The following STX17 variants were observed in gnomAD, a reference collection of about 807,000 sequenced individuals.
The protein encoded by STX17 is syntaxin-17.
In STX17, 29 loss-of-function variants were observed where a neutral mutation model predicts 35.9. The ratio of observed to expected loss-of-function variants is 0.81; its 90% confidence interval spans 0.60 to 1.10. The LOEUF (loss-of-function observed/expected upper bound fraction) is 1.10, where lower values mean the gene tolerates loss of function less well. STX17 is among the 50% of genes least tolerant of loss of function. The pLI is 0.00. For missense variants in STX17, 312 were observed against 352.3 expected (o/e 0.89, Z 0.92); for synonymous variants, 92 against 118.3 (o/e 0.78, Z 1.44).
At chr9:99,960,372 A>G (rs1011297385) in intron 6 of STX17, among the ~76,000 whole-genome samples, 1 of 152,218 alleles carries the variant, frequency 6.6e-6, no homozygotes, top group Non-Finnish European at 1.5e-5. Flanking sequence ...TAGATGCTTA[A>G]CATTGAGAGT....
At position 99,969,135 on chromosome 9, in the gene STX17, G is replaced by A. The variant is rs1829977455; in HGVS notation, c.*462G>A. On this transcript the variant is annotated 3_prime_UTR_variant, in exon 8 of 8. Transcript: ENST00000259400. ...TCAGATAGCGAAATCAGGGCCTAGT[G>A]AGGAGCACAGGTCGACTACATAATG... 1 of 152,980 alleles carries A rather than the reference G, an allele frequency of 6.5e-6. No individual in the cohort carries two copies. The highest frequency in any genetic ancestry group is 2.4e-5 in the African/African-American group (1 of 41,460). 9.5% of individuals were successfully genotyped at this position (152,980 alleles called of 1,614,324 possible). A position where few individuals can be genotyped will look rare whatever the true frequency, so the allele number is the denominator to read the frequency against.
chr9:99,919,324 A>G lies in STX17; in HGVS notation c.123+3962A>G, dbSNP rs538400455. Among the ~76,000 whole-genome samples, 5 of 152,180 alleles carry G rather than the reference A, an allele frequency of 3.3e-5. No individual in the cohort carries two copies. The East Asian group carries it at 9.7e-4, about 29-fold the overall frequency. Reference sequence around the variant, plus strand: ...TCACCATGCTGCCCAGGCCCATCCCATCTCAAAGCGCTGGCCTCAAGTGAT... The same window carrying G: ...TCACCATGCTGCCCAGGCCCATCCCGTCTCAAAGCGCTGGCCTCAAGTGAT... On this transcript the variant is annotated intron_variant, in intron 2 of 7. Coordinates refer to ENST00000259400, the MANE Select transcript of STX17 (RefSeq NM_017919.3).
chr9:99,912,835 A>G (rs1828690939), intron 1 of STX17, among the ~76,000 whole-genome samples: 1 of 152,136 alleles, frequency 6.6e-6, no homozygotes, highest in Non-Finnish European at 1.5e-5. Context: ...TCTATCCGTT[A>G]ACAGTTTATT....
chr9:99,958,501 A>AG (rs1346767281), intron 4 of STX17, among the ~76,000 whole-genome samples: 1 of 152,230 alleles, frequency 6.6e-6, no homozygotes, highest in Non-Finnish European at 1.5e-5. Context: ...TATATAACCC[A>AG]GGTACTGTGC....
At chr9:99,946,534 G>C (rs1244006137) in intron 3 of STX17, among the ~76,000 whole-genome samples, 1 of 152,008 alleles carries the variant, frequency 6.6e-6, no homozygotes, top group Non-Finnish European at 1.5e-5. Context: ...TAGAGTTACT[G>C]GTCATCTAGA....
rs974245494 is a variant in STX17 at position 99,970,534 on chromosome 9, G to T, written c.*1861G>T. On this transcript the variant is annotated 3_prime_UTR_variant, in exon 8 of 8. Coordinates refer to ENST00000259400, the MANE Select transcript of STX17 (RefSeq NM_017919.3). Reference sequence around the variant, plus strand: ...TTGCTCTGTCACTTTAACACAGGGTGATCAAACCTGAATGAGGATCAGAAC... The same window carrying T: ...TTGCTCTGTCACTTTAACACAGGGTTATCAAACCTGAATGAGGATCAGAAC... Among the ~76,000 whole-genome samples the T allele has an allele frequency of 6.6e-6, 1 of 152,142 alleles. No homozygotes were observed.
At chr9:99,927,078 C>G (rs971479752) in intron 2 of STX17, among the ~76,000 whole-genome samples, 3 of 152,334 alleles carry the variant, frequency 2.0e-5, no homozygotes, top group African/African-American at 4.8e-5. Flanking sequence ...CTGCAGATCT[C>G]TGGAGTTCTC....
chr9:99,941,019 A>G (rs569029714), intron 3 of STX17, among the ~76,000 whole-genome samples: 2 of 152,322 alleles, frequency 1.3e-5, no homozygotes, highest in South Asian at 4.1e-4. Context: ...GTCAGAATTA[A>G]TTCCAAAGGA....
At chr9:99,952,512 C>A (rs1829622412) in intron 4 of STX17, among the ~76,000 whole-genome samples, 1 of 152,170 alleles carries the variant, frequency 6.6e-6, no homozygotes, top group Non-Finnish European at 1.5e-5. Flanking sequence ...TCATTTGACC[C>A]AGCCATCCCA....
At chr9:99,961,536 CT>C (rs1829826266) in intron 6 of STX17, among the ~76,000 whole-genome samples, 1 of 152,068 alleles carries the variant, frequency 6.6e-6, no homozygotes, top group Non-Finnish European at 1.5e-5. Flanking sequence ...CTAAATTGTT[CT>C]TTTTGTCTTT....
At chr9:99,950,795 A>G (rs1264808571) in intron 3 of STX17, among the ~76,000 whole-genome samples, 1 of 151,868 alleles carries the variant, frequency 6.6e-6, no homozygotes, top group African/African-American at 2.4e-5. Flanking sequence ...GTAGTGTTTG[A>G]TTTATTGTGA....
intron 3 of STX17, among the ~76,000 whole-genome samples, chr9:99,937,728 G>T (rs1829265344): frequency 6.6e-6 from 1 of 152,084 alleles, no homozygotes; most frequent in Non-Finnish European, 1.5e-5. Flanking sequence ...TTTCAGTTCA[G>T]TGATTATTTT....
At chr9:99,916,098 C>T (rs1828763988) in intron 2 of STX17, 3 of 455,300 alleles carry the variant, frequency 6.6e-6, no homozygotes, top group Non-Finnish European at 1.3e-5. Context: ...AGGGAATTTC[C>T]TTACTTCACA....
At chr9:99,944,418 C>G (rs1829433959) in intron 3 of STX17, among the ~76,000 whole-genome samples, 1 of 151,100 alleles carries the variant, frequency 6.6e-6, no homozygotes, top group Admixed American at 6.6e-5. Context: ...TTTTTCTTTT[C>G]TAATATATAT....
At chr9:99,934,259 C>T (rs1200707075) in intron 3 of STX17, among the ~76,000 whole-genome samples, 1 of 151,982 alleles carries the variant, frequency 6.6e-6, no homozygotes, top group Non-Finnish European at 1.5e-5. Flanking sequence ...TAATGAGAAC[C>T]CATTCCAGTG....
At chr9:99,947,912 C>T (rs1227135278) in intron 3 of STX17, among the ~76,000 whole-genome samples, 1 of 151,664 alleles carries the variant, frequency 6.6e-6, no homozygotes, top group African/African-American at 2.4e-5. Context: ...CCTATAGTTA[C>T]TTACTATCTT....
rs35032937 is a variant in STX17 at position 99,935,329 on chromosome 9, C to CA, written c.189+6505dup. Among the ~76,000 whole-genome samples the CA allele has an allele frequency of 5.3e-3, 536 of 101,038 alleles. 5 individuals are homozygous for CA. Among genetic ancestry groups the CA allele is most frequent in the East Asian group, 0.051 (183 of 3,614 alleles). The allele number at this position is 101,038 out of a possible 152,430, so 66.3% of individuals were successfully genotyped here. ...TGGGTGACAGAGCGACACTCCATCT[C>CA]AAAAAAAAAAAAAAAAAAAGAAAAA... On this transcript the variant is annotated intron_variant, in intron 3 of 7. Transcript: ENST00000259400.
Position 99,967,741 on chromosome 9 carries a change from T to C in STX17, c.669+2T>C, listed in dbSNP as rs762114903. The C allele has an allele frequency of 5.6e-6, 9 of 1,613,434 alleles. No individual in the cohort carries two copies. The highest frequency in any genetic ancestry group is 7.6e-6 in the Non-Finnish European group (9 of 1,179,608). On this transcript the variant is annotated splice_donor_variant, in intron 7 of 7. Coordinates refer to ENST00000259400, the MANE Select transcript of STX17 (RefSeq NM_017919.3). LOFTEE classifies it high-confidence loss of function. ...GAGGGAACCAAAAACTTAGGGAAGGTAAGATTCTGCTCCTGCTGACAAATC... is the reference window on the plus strand; with the variant it reads ...GAGGGAACCAAAAACTTAGGGAAGGCAAGATTCTGCTCCTGCTGACAAATC...
chr9:99,959,654 T>G (rs139906397), intron 4 of STX17, among the ~76,000 whole-genome samples: 9 of 151,942 alleles, frequency 5.9e-5, no homozygotes, highest in African/African-American at 2.2e-4. Flanking sequence ...AGAGACGAGG[T>G]CTCACTCTGT....
Sources: gnomAD v4.1 joint callset for allele counts (sites outside exome capture counted in the v4.1 genomes callset) on GRCh38, gnomAD v4.1.1 for gene constraint, MANE v1.5 for transcripts, NCBI Gene and HGNC (gene_info 2026-07-23, HGNC 2026-07-21) for gene names.